TENM2: variants seen among roughly 807,000 people sequenced by gnomAD.
TENM2 encodes the protein teneurin-2.
In TENM2, 52 loss-of-function variants were observed where a neutral mutation model predicts 245.2. The ratio of observed to expected loss-of-function variants is 0.21; its 90% confidence interval spans 0.17 to 0.27. TENM2 has a LOEUF of 0.27. TENM2 is among the 10% of genes least tolerant of loss of function. TENM2 has a pLI of 1.00. For missense variants in TENM2, 3,046 were observed against 3,666.8 expected, an observed-to-expected ratio of 0.83 and a Z score of 4.37; for synonymous variants, 1,363 against 1,438.9, an observed-to-expected ratio of 0.95 and a Z score of 1.19.
At chr5:167,566,551 C>G (rs751054977) in intron 2 of TENM2, among the ~76,000 whole-genome samples, 11 of 152,246 alleles carry the variant, frequency 7.2e-5, no homozygotes, top group African/African-American at 2.6e-4. Flanking sequence ...TGAAGAAACT[C>G]GCAAACAGTG....
At chr5:167,327,612 G>A (rs76978696) in intron 1 of TENM2, among the ~76,000 whole-genome samples, 5,359 of 152,212 alleles carry the variant, frequency 0.035, 135 homozygotes, top group Middle Eastern at 0.058. Context: ...AAACCTCCCC[G>A]AGGATTTACC....
At chr5:167,214,473 C>G in the TENM2 span, among the ~76,000 whole-genome samples, 1 of 152,108 alleles carries the variant, frequency 6.6e-6, no homozygotes, top group Non-Finnish European at 1.5e-5. Context: ...TTTGGTAATT[C>G]AGAGGCACAA....
intron 4 of TENM2, among the ~76,000 whole-genome samples, chr5:167,972,654 A>G (rs1159036796): frequency 2.6e-5 from 4 of 152,152 alleles, no homozygotes; most frequent in Admixed American, 1.3e-4. Flanking sequence ...GCCAAATTGT[A>G]TCTGTCTCCA....
At chr5:168,261,322 C>T (rs959113762) in intron 28 of TENM2, among the ~76,000 whole-genome samples, 1 of 152,194 alleles carries the variant, frequency 6.6e-6, no homozygotes, top group Non-Finnish European at 1.5e-5. Context: ...TCCAAAACAA[C>T]TGCCTCAAAG....
intron 2 of TENM2, among the ~76,000 whole-genome samples, chr5:167,699,333 G>T (rs561521340): frequency 2.6e-5 from 4 of 152,136 alleles, no homozygotes; most frequent in African/African-American, 9.6e-5. Flanking sequence ...AGCAAAGTGT[G>T]CTATGAATAT....
chr5:167,258,732 C>A, the TENM2 span, among the ~76,000 whole-genome samples: 2,971 of 152,106 alleles, frequency 0.02, 103 homozygotes, highest in African/African-American at 0.067. Flanking sequence ...CATAATTTAA[C>A]ACAAAGTTTA....
chr5:167,194,647 T>A, the TENM2 span, among the ~76,000 whole-genome samples: 2 of 152,018 alleles, frequency 1.3e-5, no homozygotes, highest in Admixed American at 1.3e-4. Context: ...CAGGGTGCAG[T>A]TTTGAAGGTC....
chr5:167,707,771 A>G (rs116409713), intron 2 of TENM2, among the ~76,000 whole-genome samples: 3,263 of 152,304 alleles, frequency 0.021, 116 homozygotes, highest in African/African-American at 0.07. Context: ...GACTGAAGAC[A>G]CATAGAAACA....
At chr5:167,431,087 A>C (rs1561949319) in intron 2 of TENM2, among the ~76,000 whole-genome samples, 1 of 152,214 alleles carries the variant, frequency 6.6e-6, no homozygotes, top group Non-Finnish European at 1.5e-5. Flanking sequence ...AAACCTTTGA[A>C]TATAGAACAA....
At chr5:167,847,706 G>A (rs141113641) in intron 2 of TENM2, among the ~76,000 whole-genome samples, 5 of 152,324 alleles carry the variant, frequency 3.3e-5, no homozygotes, top group Admixed American at 1.3e-4. Context: ...GTATCTATGA[G>A]TATGTTCTGA....
intron 2 of TENM2, among the ~76,000 whole-genome samples, chr5:167,785,790 T>G: frequency 6.6e-6 from 1 of 152,186 alleles, no homozygotes; most frequent in East Asian, 1.9e-4. Context: ...TAAGAGAGCA[T>G]TAGACAAGGG....
At chr5:167,965,330 A>AATAATAATAATATGT (rs1781310561) in intron 4 of TENM2, 1 of 152,216 alleles carries the variant, frequency 6.6e-6, no homozygotes, top group Non-Finnish European at 1.5e-5. Flanking sequence ...TTGATTCTAA[A>AATAATAATAATATGT]ATAATATGTA....
At position 168,215,111 on chromosome 5, in the gene TENM2, A is replaced by G. The variant is rs765044096; in HGVS notation, c.3917A>G (p.Asn1306Ser). ...GGCTCGCTCTACGTGTCCGACACCAACAGCAGGAGAATCTACCGCGTCAAG... is the reference window on the plus strand; with the variant it reads ...GGCTCGCTCTACGTGTCCGACACCAGCAGCAGGAGAATCTACCGCGTCAAG... The change falls in exon 21 of 29, where the codon AAC becomes AGC. Residue 1306 changes from asparagine (N) to serine (S), a missense_variant. Physicochemically the swap from Asn to Ser is conservative, Grantham distance 46. Transcript: ENST00000518659. 9 of 1,613,802 alleles carry G rather than the reference A, an allele frequency of 5.6e-6. No homozygotes were observed. The South Asian group carries it at 8.8e-5, about 16-fold the overall frequency.
intron 2 of TENM2, among the ~76,000 whole-genome samples, chr5:167,862,782 G>T (rs915159007): frequency 6.6e-6 from 1 of 152,166 alleles, no homozygotes; most frequent in Non-Finnish European, 1.5e-5. Context: ...GATGCAATTC[G>T]GGTTGTGAAT....
At chr5:168,170,554 AAAGG>A (rs1233116248) in intron 13 of TENM2, among the ~76,000 whole-genome samples, 14 of 152,080 alleles carry the variant, frequency 9.2e-5, no homozygotes, top group South Asian at 8.3e-4. Flanking sequence ...AGGAAGGAAG[AAAGG>A]AAGGAAGGAA....
chr5:167,514,118 T>A (rs1045811788), intron 2 of TENM2, among the ~76,000 whole-genome samples: 4 of 152,220 alleles, frequency 2.6e-5, no homozygotes, highest in African/African-American at 9.6e-5. Context: ...TGACTTTGCA[T>A]AGGACATTTT....
At chr5:168,085,176 A>G (rs1792341082) in intron 7 of TENM2, among the ~76,000 whole-genome samples, 1 of 152,236 alleles carries the variant, frequency 6.6e-6, no homozygotes, top group African/African-American at 2.4e-5. Flanking sequence ...ACACATCAGC[A>G]TTTGCTATTA....
intron 2 of TENM2, among the ~76,000 whole-genome samples, chr5:167,672,005 T>G (rs979577793): frequency 2.0e-5 from 3 of 152,014 alleles, no homozygotes; most frequent in Non-Finnish European, 4.4e-5. Context: ...AACAAACCTG[T>G]GAAACTAGTG....
At chr5:167,625,635 G>A (rs936666745) in intron 2 of TENM2, among the ~76,000 whole-genome samples, 1 of 152,104 alleles carries the variant, frequency 6.6e-6, no homozygotes, top group African/African-American at 2.4e-5. Flanking sequence ...CTATTGTTCT[G>A]TAACAAATTA....
Sources: gnomAD v4.1 joint callset for allele counts (sites outside exome capture counted in the v4.1 genomes callset) on GRCh38, gnomAD v4.1.1 for gene constraint, MANE v1.5 for transcripts, NCBI Gene and HGNC (gene_info 2026-07-23, HGNC 2026-07-21) for gene names.